The following SLC71A2 variants were observed in gnomAD, a reference collection of about 807,000 sequenced individuals.
SLC71A2 encodes the protein solute carrier family 71 member 2, also known as hippocampus abundant transcript-like 1.
At chr9:94,390,600 T>C in the SLC71A2 span, among the ~76,000 whole-genome samples, 1 of 152,194 alleles carries the variant, frequency 6.6e-6, no homozygotes, top group Non-Finnish European at 1.5e-5. Context: ...CAGTATGATA[T>C]GCGTGCCTGA....
chr9:94,455,738 AGAG>A, the SLC71A2 span, among the ~76,000 whole-genome samples: 2 of 152,174 alleles, frequency 1.3e-5, no homozygotes, highest in South Asian at 4.1e-4. Flanking sequence ...ACTCTTATTG[AGAG>A]GAGGACAAAG....
the SLC71A2 span, among the ~76,000 whole-genome samples, chr9:94,431,476 A>G: frequency 6.6e-6 from 1 of 151,264 alleles, no homozygotes; most frequent in African/African-American, 2.4e-5. Context: ...GGATATTTAT[A>G]TGTAAAACGG....
the SLC71A2 span, chr9:94,445,152 G>C: frequency 6.2e-7 from 1 of 1,613,794 alleles, no homozygotes. Flanking sequence ...GGGGAGCTCA[G>C]ATTTCTTGGA....
At chr9:94,442,299 C>G in the SLC71A2 span, among the ~76,000 whole-genome samples, 1 of 152,108 alleles carries the variant, frequency 6.6e-6, no homozygotes, top group African/African-American at 2.4e-5. Flanking sequence ...TACTACTATT[C>G]CACAAAACAC....
At chr9:94,379,681 A>G in the SLC71A2 span, among the ~76,000 whole-genome samples, 2 of 152,122 alleles carry the variant, frequency 1.3e-5, no homozygotes, top group Non-Finnish European at 2.9e-5. Flanking sequence ...ATGAGCCACC[A>G]TGCCTGGCTG....
the SLC71A2 span, among the ~76,000 whole-genome samples, chr9:94,401,164 G>C: frequency 6.6e-6 from 1 of 151,602 alleles, no homozygotes; most frequent in Non-Finnish European, 1.5e-5. Flanking sequence ...CTCAAACACA[G>C]GCTAATTTTT....
the SLC71A2 span, among the ~76,000 whole-genome samples, chr9:94,375,707 A>G: frequency 2.0e-5 from 3 of 151,816 alleles, no homozygotes; most frequent in South Asian, 6.2e-4. Context: ...TTTTCCAAAG[A>G]AAAGTAGAAA....
At chr9:94,436,731 T>TG in the SLC71A2 span, among the ~76,000 whole-genome samples, 5 of 152,286 alleles carry the variant, frequency 3.3e-5, no homozygotes, top group East Asian at 3.9e-4. Context: ...TGTCCTGGGT[T>TG]AATCAGTTGG....
the SLC71A2 span, among the ~76,000 whole-genome samples, chr9:94,396,487 C>G: frequency 1.3e-5 from 2 of 152,188 alleles, no homozygotes; most frequent in African/African-American, 4.8e-5. Flanking sequence ...TGCACTTCAG[C>G]CTGGGCAACA....
At chr9:94,418,986 G>A in the SLC71A2 span, among the ~76,000 whole-genome samples, 1 of 152,070 alleles carries the variant, frequency 6.6e-6, no homozygotes. Context: ...TCAACATCTG[G>A]AAACACTCAG....
chr9:94,408,267 T>C, the SLC71A2 span, among the ~76,000 whole-genome samples: 2 of 152,182 alleles, frequency 1.3e-5, no homozygotes, highest in East Asian at 3.8e-4. Context: ...GACTTTCAAG[T>C]TAGTATATTT....
the SLC71A2 span, among the ~76,000 whole-genome samples, chr9:94,454,717 T>TA: frequency 6.6e-6 from 1 of 151,998 alleles, no homozygotes; most frequent in Non-Finnish European, 1.5e-5. Context: ...AACAAGAAGA[T>TA]ACAAAAAAAA....
chr9:94,378,584 CAG>C, the SLC71A2 span, among the ~76,000 whole-genome samples: 1 of 152,036 alleles, frequency 6.6e-6, no homozygotes, highest in Non-Finnish European at 1.5e-5. Flanking sequence ...CCCTGGGTGA[CAG>C]AGTGAGACTC....
the SLC71A2 span, chr9:94,432,822 A>G: frequency 2.7e-5 from 11 of 404,112 alleles, no homozygotes; most frequent in Middle Eastern, 2.2e-3. Flanking sequence ...ACCAAGGACA[A>G]CTGAGGCCAG....
chr9:94,409,225 A>G, the SLC71A2 span, among the ~76,000 whole-genome samples: 1 of 132,898 alleles, frequency 7.5e-6, no homozygotes, highest in African/African-American at 3.0e-5. Flanking sequence ...TTGCACCCTC[A>G]ACTTCCTGGA....
the SLC71A2 span, among the ~76,000 whole-genome samples, chr9:94,443,245 G>A: frequency 2.0e-5 from 3 of 151,998 alleles, no homozygotes; most frequent in South Asian, 2.1e-4. Flanking sequence ...ATCAGTGAGC[G>A]CACACATCCA....
chr9:94,455,515 G>A, the SLC71A2 span, among the ~76,000 whole-genome samples: 19 of 151,222 alleles, frequency 1.3e-4, no homozygotes, highest in Non-Finnish European at 2.4e-4. Flanking sequence ...GTCCCTAGCC[G>A]TCTGTGACTT....
At chr9:94,389,272 T>C in the SLC71A2 span, among the ~76,000 whole-genome samples, 2 of 85,788 alleles carry the variant, frequency 2.3e-5, no homozygotes, top group African/African-American at 1.4e-4. Flanking sequence ...TTAATTCTGG[T>C]TTTTTTTTTT....
chr9:94,401,088 C>CT, the SLC71A2 span, among the ~76,000 whole-genome samples: 3,327 of 144,680 alleles, frequency 0.023, 78 homozygotes, highest in African/African-American at 0.074. Context: ...TTTTCTTTTC[C>CT]TTTTTTTTTT....
Sources: allele counts gnomAD v4.1 joint callset (sites outside exome capture counted in the v4.1 genomes callset), GRCh38; gene constraint gnomAD v4.1.1; transcripts MANE v1.5; gene names NCBI Gene and HGNC (gene_info 2026-07-23, HGNC 2026-07-21).